Variants in CUEDC1 observed in about 807,000 individuals in gnomAD.
CUEDC1 encodes CUE domain containing 1, also known as CUE domain-containing protein 1.
A neutral mutation model predicts 43.7 loss-of-function variants in CUEDC1; 30 were observed. That is an observed-to-expected ratio of 0.69 (90% CI 0.51 to 0.93). The LOEUF is 0.93. Among genes scored for constraint, CUEDC1 ranks in the 40% least tolerant of loss-of-function variants. CUEDC1 has a pLI of 0.00. For missense variants in CUEDC1, 486 were observed against 549.0 expected, an observed-to-expected ratio of 0.89 and a Z score of 1.15; for synonymous variants, 223 against 223.6, an observed-to-expected ratio of 1.00 and a Z score of 0.02.
intron 6 of CUEDC1, among the ~76,000 whole-genome samples, 188 bp downstream of exon 6, chr17:57,871,098 A>G (rs1568028251): frequency 6.6e-6 from 1 of 152,234 alleles, no homozygotes; most frequent in Non-Finnish European, 1.5e-5. Context: ...GAAAGACCCC[A>G]GAGCTGCTAA....
intron 1 of CUEDC1, among the ~76,000 whole-genome samples, chr17:57,897,893 A>G (rs966706364): frequency 5.6e-4 from 85 of 152,104 alleles, no homozygotes; most frequent in African/African-American, 1.9e-3. Context: ...GGTGCCTGTA[A>G]TCTCAGCGAC....
chr17:57,881,575 C>A (rs2074204764), intron 2 of CUEDC1, among the ~76,000 whole-genome samples: 1 of 152,226 alleles, frequency 6.6e-6, no homozygotes, highest in African/African-American at 2.4e-5. Flanking sequence ...CTTTGGGCTG[C>A]AGCCTTGAGG....
chr17:57,904,891 C>T (rs1035459756), intron 1 of CUEDC1, among the ~76,000 whole-genome samples: 5 of 152,084 alleles, frequency 3.3e-5, no homozygotes, highest in Admixed American at 6.6e-5. Flanking sequence ...GGCCACCCAC[C>T]GGGTCCAACT....
intron 1 of CUEDC1, among the ~76,000 whole-genome samples, chr17:57,895,993 C>T (rs949248666): frequency 3.9e-5 from 6 of 152,192 alleles, no homozygotes; most frequent in African/African-American, 1.4e-4. Flanking sequence ...CAGGAGACAC[C>T]TCTGGGTCCC....
intron 1 of CUEDC1, among the ~76,000 whole-genome samples, chr17:57,933,723 C>A (rs537280859): frequency 1.6e-4 from 25 of 152,314 alleles, no homozygotes; most frequent in Non-Finnish European, 3.1e-4. Context: ...CTGGGGTCTT[C>A]AGCAGTAAAC....
intron 1 of CUEDC1, among the ~76,000 whole-genome samples, chr17:57,920,220 C>A (rs982128409): frequency 1.3e-5 from 2 of 152,148 alleles, no homozygotes; most frequent in Admixed American, 1.3e-4. Flanking sequence ...GAGACTGGTA[C>A]CTTATTAGCA....
intron 1 of CUEDC1, among the ~76,000 whole-genome samples, chr17:57,888,266 A>C (rs1005530702): frequency 3.9e-5 from 6 of 152,322 alleles, no homozygotes; most frequent in African/African-American, 1.4e-4. Context: ...ATCAAACCAT[A>C]AATCCTATGC....
intron 2 of CUEDC1, among the ~76,000 whole-genome samples, chr17:57,882,517 A>T (rs2074224439): frequency 6.6e-6 from 1 of 152,176 alleles, no homozygotes; most frequent in Admixed American, 6.5e-5. Flanking sequence ...CAGACTGCAG[A>T]AAGGGTCAGA....
chr17:57,871,248 T>C (rs185182384), intron 6 of CUEDC1, 38 bp downstream of exon 6: 5 of 1,516,716 alleles, frequency 3.3e-6, no homozygotes, highest in Non-Finnish European at 4.6e-6. Flanking sequence ...AGCTCCCCAC[T>C]ATGCCTCTAG....
intron 1 of CUEDC1, among the ~76,000 whole-genome samples, chr17:57,929,953 C>G (rs1005761880): frequency 6.6e-6 from 1 of 152,198 alleles, no homozygotes; most frequent in African/African-American, 2.4e-5. Context: ...AGGCAGGCAC[C>G]ACCACGCCCA....
intron 1 of CUEDC1, among the ~76,000 whole-genome samples, chr17:57,936,309 C>G (rs1003136429): frequency 1.3e-5 from 2 of 152,240 alleles, no homozygotes; most frequent in African/African-American, 4.8e-5. Flanking sequence ...GGCCCTTCCC[C>G]AGGAGAAGCC....
chr17:57,868,117 C>T lies in CUEDC1; in HGVS notation c.1034+33G>A, dbSNP rs768721657. ...CTTGCTCCATGGCCCTTGGCTTCCA[C>T]CACCCCCACCAGTGCCAGGCTGGAA... On this transcript the variant is annotated intron_variant, in intron 8 of 10. Coordinates refer to ENST00000577830, the MANE Select transcript of CUEDC1 (RefSeq NM_001271875.2). 2.1e-5 allele frequency: 33 copies of T among 1,580,958 alleles called. No individual in the cohort carries two copies. In the African/African-American group the frequency reaches 3.5e-4, roughly 17 times the overall value.
chr17:57,936,086 C>G (rs117892742), intron 1 of CUEDC1, among the ~76,000 whole-genome samples: 258 of 152,332 alleles, frequency 1.7e-3, no homozygotes, highest in Non-Finnish European at 3.1e-3. Context: ...GAGGCCAGAC[C>G]AGGAGTGGGG....
intron 10 of CUEDC1, among the ~76,000 whole-genome samples, chr17:57,865,480 C>T (rs1313487011): frequency 2.0e-5 from 3 of 152,210 alleles, no homozygotes; most frequent in African/African-American, 7.2e-5. Flanking sequence ...ACACCATCAA[C>T]TCAAGAAAGC....
intron 1 of CUEDC1, among the ~76,000 whole-genome samples, chr17:57,913,956 A>T (rs2074611525): frequency 6.6e-6 from 1 of 151,902 alleles, no homozygotes; most frequent in South Asian, 2.1e-4. Flanking sequence ...TTCTTGGCTC[A>T]CTCCCACGTG....
intron 1 of CUEDC1, among the ~76,000 whole-genome samples, chr17:57,901,857 C>T (rs1034596418): frequency 6.6e-6 from 1 of 152,248 alleles, no homozygotes; most frequent in Non-Finnish European, 1.5e-5. Context: ...AGTCCCTTGG[C>T]TTCTTCGATA....
At chr17:57,914,064 C>T (rs1034514097) in intron 1 of CUEDC1, among the ~76,000 whole-genome samples, 7 of 152,220 alleles carry the variant, frequency 4.6e-5, no homozygotes, top group African/African-American at 1.7e-4. Context: ...GTGGCCCCAA[C>T]AGATGGTGCC....
At chr17:57,944,198 T>TTATA (rs201089332) in intron 1 of CUEDC1, among the ~76,000 whole-genome samples, 34 of 144,700 alleles carry the variant, frequency 2.3e-4, no homozygotes, top group African/African-American at 5.6e-4. Context: ...ATTTATTTTT[T>TTATA]TATATATATA....
At chr17:57,902,624 G>C (rs2074485109) in intron 1 of CUEDC1, among the ~76,000 whole-genome samples, 1 of 152,212 alleles carries the variant, frequency 6.6e-6, no homozygotes, top group East Asian at 1.9e-4. Context: ...GCTGATACTA[G>C]TCATTTGAGA....
Sources: gnomAD v4.1 joint callset for allele counts (sites outside exome capture counted in the v4.1 genomes callset) on GRCh38, gnomAD v4.1.1 for gene constraint, MANE v1.5 for transcripts, NCBI Gene and HGNC (gene_info 2026-07-23, HGNC 2026-07-21) for gene names.